The following GUCA1C variants were observed in gnomAD, a reference collection of about 807,000 sequenced individuals.
GUCA1C encodes guanylyl cyclase-activating protein 3.
GUCA1C carries 15 observed loss-of-function variants against 16.2 expected under a neutral mutation model. The ratio of observed to expected loss-of-function variants is 0.93; its 90% CI spans 0.62 to 1.43. The LOEUF (loss-of-function observed/expected upper bound fraction) is 1.43. Ranked by LOEUF, GUCA1C falls within the 40% of genes most tolerant of loss-of-function variation. The pLI is 0.00. For missense variants in GUCA1C, 275 were observed against 244.8 expected (o/e 1.12, Z -0.82); for synonymous variants, 78 against 85.4 (o/e 0.91, Z 0.48).
intron 3 of GUCA1C, among the ~76,000 whole-genome samples, chr3:108,915,750 T>C (rs1326521464): frequency 6.6e-6 from 1 of 151,932 alleles, no homozygotes; most frequent in Non-Finnish European, 1.5e-5. Flanking sequence ...AAAACTTGAG[T>C]TTATTTATAA....
chr3:108,951,487 C>A (rs1542215), intron 1 of GUCA1C, among the ~76,000 whole-genome samples: 23,325 of 151,986 alleles, frequency 0.15, 1,958 homozygotes, highest in Middle Eastern at 0.26. Context: ...AAAAAGAAAA[C>A]TGCAGAGAAG....
intron 1 of GUCA1C, among the ~76,000 whole-genome samples, chr3:108,948,836 C>T (rs995100866): frequency 4.0e-5 from 6 of 148,988 alleles, no homozygotes; most frequent in Admixed American, 6.8e-5. Context: ...TTGTGTCTAA[C>T]AGATCTGGGA....
chr3:108,946,520 T>C (rs1265537064), intron 1 of GUCA1C, among the ~76,000 whole-genome samples: 1 of 152,188 alleles, frequency 6.6e-6, no homozygotes, highest in African/African-American at 2.4e-5. Context: ...AATTGCCTCA[T>C]TGTAATCAGC....
chr3:108,949,983 T>C (rs185374459), intron 1 of GUCA1C, among the ~76,000 whole-genome samples: 68 of 152,310 alleles, frequency 4.5e-4, no homozygotes, highest in East Asian at 3.3e-3. Flanking sequence ...TGCCCAGAAC[T>C]TATTCATCCT....
rs563958525 is a variant in GUCA1C at position 108,911,323 on chromosome 3, G to T, written c.443-3114C>A. On this transcript the variant is annotated intron_variant, in intron 3 of 3. Coordinates refer to ENST00000261047, the MANE Select transcript of GUCA1C (RefSeq NM_005459.4). Reference sequence around the variant, plus strand: ...CCCTCAAAAAAGCAGAATTTACTGTGCATGCCTACATTAGCATTTCTGGTC... The same window carrying T: ...CCCTCAAAAAAGCAGAATTTACTGTTCATGCCTACATTAGCATTTCTGGTC... Among the ~76,000 whole-genome samples the T allele has an allele frequency of 5.3e-4, 81 of 152,106 alleles. 1 individual carries two copies. Among genetic ancestry groups the T allele is most frequent in the African/African-American group, 1.8e-3 (76 of 41,494 alleles).
chr3:108,940,477 T>A (rs1014762879), intron 1 of GUCA1C, among the ~76,000 whole-genome samples: 1 of 152,244 alleles, frequency 6.6e-6, no homozygotes. Flanking sequence ...CTCCCAAGCA[T>A]GAGTCCTGGG....
chr3:108,908,482 T>G (rs1038818243), intron 3 of GUCA1C, among the ~76,000 whole-genome samples: 1 of 152,156 alleles, frequency 6.6e-6, no homozygotes, highest in African/African-American at 2.4e-5. Flanking sequence ...CATATGCAAT[T>G]ATATCTCTGC....
At chr3:108,919,448 G>A (rs1946549823) in intron 2 of GUCA1C, among the ~76,000 whole-genome samples, 1 of 152,146 alleles carries the variant, frequency 6.6e-6, no homozygotes, top group Non-Finnish European at 1.5e-5. Flanking sequence ...GGTATAGGCA[G>A]AATTTCTAAA....
At chr3:108,922,315 C>A (rs190306496) in intron 1 of GUCA1C, among the ~76,000 whole-genome samples, 53 of 152,252 alleles carry the variant, frequency 3.5e-4, no homozygotes, top group African/African-American at 1.1e-3. Context: ...GTGCAAGTAT[C>A]TTTTTCATAT....
chr3:108,910,576 AGAAGTAATCT>A (rs1559838510), intron 3 of GUCA1C, among the ~76,000 whole-genome samples: 2 of 152,016 alleles, frequency 1.3e-5, no homozygotes, highest in Non-Finnish European at 1.5e-5. Context: ...CATGGGACTT[AGAAGTAATCT>A]GAAGTCATTA....
At chr3:108,931,703 T>G (rs973807984) in intron 1 of GUCA1C, among the ~76,000 whole-genome samples, 2 of 152,070 alleles carry the variant, frequency 1.3e-5, no homozygotes, top group Non-Finnish European at 2.9e-5. Context: ...AAAAAAATTA[T>G]TGTTTTCAGT....
At chr3:108,927,390 T>TAG (rs1946632118) in intron 1 of GUCA1C, among the ~76,000 whole-genome samples, 1 of 151,992 alleles carries the variant, frequency 6.6e-6, no homozygotes. Context: ...ACATTTAACA[T>TAG]AGTCCCAAAC....
chr3:108,911,975 G>T (rs111816163), intron 3 of GUCA1C, among the ~76,000 whole-genome samples: 1 of 151,642 alleles, frequency 6.6e-6, no homozygotes, highest in South Asian at 2.1e-4. Context: ...GCGTAGTGGT[G>T]GGTGACTGTA....
Position 108,947,749 on chromosome 3 carries a change from G to T in GUCA1C, c.204+5810C>A, listed in dbSNP as rs536524862. On this transcript the variant is annotated intron_variant, in intron 1 of 3. Coordinates refer to ENST00000261047, the MANE Select transcript of GUCA1C (RefSeq NM_005459.4). The stretch of plus-strand genomic sequence containing the variant: ...AAATTTTTATAATTGCTGAAGCTGG[G>T]TGATGGGTCTATGAGAGCTATTCTA... 3.3e-5 allele frequency among the ~76,000 whole-genome samples: 5 copies of T among 152,256 alleles called. No individual in the cohort carries two copies. In the South Asian group the frequency reaches 1.0e-3, roughly 32 times the overall value.
At position 108,938,737 on chromosome 3, in the gene GUCA1C, T is replaced by A. The variant is rs56904017; in HGVS notation, c.204+14822A>T. 4.7e-3 allele frequency among the ~76,000 whole-genome samples: 712 copies of A among 152,340 alleles called. 8 individuals are homozygous for A. Among genetic ancestry groups the A allele is most frequent in the African/African-American group, 0.016 (680 of 41,578 alleles). On this transcript the variant is annotated intron_variant, in intron 1 of 3. Transcript: ENST00000261047. ...ATATACTGCTGGCTTGGAAATTGGT[T>A]ATATAATGTGATCTTTATGCAGATC...
At chr3:108,920,707 G>A in intron 1 of GUCA1C, 122 bp from the exon 2 acceptor site, 1 of 576,890 alleles carries the variant, frequency 1.7e-6, no homozygotes, top group South Asian at 2.7e-5. Context: ...TAAGATTTCA[G>A]CATAAAACTT....
In GUCA1C at chr3:108,952,263, A is replaced by G. The variant is rs549420857; in HGVS notation, c.204+1296T>C. On this transcript the variant is annotated intron_variant, in intron 1 of 3. Coordinates refer to ENST00000261047, the MANE Select transcript of GUCA1C (RefSeq NM_005459.4). ...GAGAGGCAAATAAAGACAACGTGGCATCATGCTTATAGTATCTGGAACACA... is the reference window on the plus strand; with the variant it reads ...GAGAGGCAAATAAAGACAACGTGGCGTCATGCTTATAGTATCTGGAACACA... 5.3e-5 allele frequency among the ~76,000 whole-genome samples: 8 copies of G among 152,370 alleles called. No individual in the cohort carries two copies. The South Asian group carries it at 1.2e-3, about 24-fold the overall frequency.
intron 2 of GUCA1C, among the ~76,000 whole-genome samples, chr3:108,917,591 G>A (rs1946530481): frequency 6.6e-6 from 1 of 152,088 alleles, no homozygotes. Flanking sequence ...GAGGACGCAG[G>A]AGAGAAAGGG....
At chr3:108,916,574 T>C (rs1229592494) in intron 2 of GUCA1C, among the ~76,000 whole-genome samples, 3 of 152,346 alleles carry the variant, frequency 2.0e-5, no homozygotes, top group African/African-American at 7.2e-5. Flanking sequence ...GACAGATTGA[T>C]TTGGGTCTTA....
Sources: allele counts gnomAD v4.1 joint callset (sites outside exome capture counted in the v4.1 genomes callset), GRCh38; gene constraint gnomAD v4.1.1; transcripts MANE v1.5; gene names NCBI Gene and HGNC (gene_info 2026-07-23, HGNC 2026-07-21).